The following ARHGEF10L variants were observed in gnomAD, a reference collection of about 807,000 sequenced individuals.
The protein encoded by ARHGEF10L is rho guanine nucleotide exchange factor 10-like protein.
Under a neutral mutation model 141.2 loss-of-function variants are expected in ARHGEF10L, and 69 were observed. The observed-to-expected ratio is 0.49, with a 90% CI of 0.40 to 0.60. The LOEUF is 0.60. ARHGEF10L is among the 20% of genes least tolerant of loss of function. The pLI is 0.00. For missense variants in ARHGEF10L, 1,482 were observed against 1,734.3 expected (o/e 0.85, Z 2.58); for synonymous variants, 711 against 718.5 (o/e 0.99, Z 0.17).
chr1:17,632,028 G>C (rs2060721977), intron 15 of ARHGEF10L, among the ~76,000 whole-genome samples: 1 of 152,144 alleles, frequency 6.6e-6, no homozygotes, highest in Non-Finnish European at 1.5e-5. Context: ...CCTACAGAGA[G>C]GGGCTGGCAA....
Position 17,621,795 on chromosome 1 carries a change from C to T in ARHGEF10L, c.943-69C>T. On this transcript the variant is annotated intron_variant, in intron 10 of 28. Coordinates refer to ENST00000361221, the MANE Select transcript of ARHGEF10L (RefSeq NM_018125.4). This position sits in a 1 kb window ranked among gnomAD's most constrained non-coding sequence, Gnocchi z 4.1. ...TTCTCTGTCCTATAGTTGTCAGCTC[C>T]CCTTCCTGTCACTTGGGCCCTGTGC... 3.5e-6 allele frequency: 4 copies of T among 1,135,090 alleles called. No homozygotes were observed. The highest frequency in any genetic ancestry group is 5.0e-6 in the Non-Finnish European group (4 of 795,650). The allele number at this position is 1,135,090 out of a possible 1,614,324, so 70.3% of individuals were successfully genotyped here. A position where few individuals can be genotyped will look rare whatever the true frequency, so the allele number is the denominator to read the frequency against.
chr1:17,665,814 A>ATT (rs1482189380), intron 26 of ARHGEF10L, among the ~76,000 whole-genome samples: 2 of 152,196 alleles, frequency 1.3e-5, no homozygotes, highest in African/African-American at 4.8e-5. Flanking sequence ...GAGTCGGCTC[A>ATT]TGGGGTGATG....
At chr1:17,593,768 C>G (rs1354949186) in intron 4 of ARHGEF10L, among the ~76,000 whole-genome samples, 1 of 151,968 alleles carries the variant, frequency 6.6e-6, no homozygotes, top group African/African-American at 2.4e-5. Context: ...TCACTAAGTT[C>G]GTGGTCATCT....
chr1:17,653,009 T>C (rs968386507), intron 22 of ARHGEF10L, among the ~76,000 whole-genome samples: 9 of 152,144 alleles, frequency 5.9e-5, no homozygotes, highest in Non-Finnish European at 1.2e-4. Context: ...CTTGCTCTGA[T>C]GATGAAATGA....
chr1:17,602,301 G>T, intron 5 of ARHGEF10L, 83 bp downstream of exon 5: 1 of 1,452,336 alleles, frequency 6.9e-7, no homozygotes, highest in East Asian at 2.5e-5. Context: ...GAGAGCTGAT[G>T]TGGGCTCCTG....
intron 1 of ARHGEF10L, among the ~76,000 whole-genome samples, chr1:17,557,090 C>G (rs944621233): frequency 6.6e-6 from 1 of 150,580 alleles, no homozygotes; most frequent in Non-Finnish European, 1.5e-5. Flanking sequence ...GGCCTATAAT[C>G]CCAGCACTTT....
At chr1:17,677,899 G>A (rs2063824610) in intron 26 of ARHGEF10L, among the ~76,000 whole-genome samples, 2 of 152,142 alleles carry the variant, frequency 1.3e-5, no homozygotes. Flanking sequence ...GCAGACCCAG[G>A]CTGGGCGCCA....
At chr1:17,671,603 G>C (rs1453323220) in intron 26 of ARHGEF10L, among the ~76,000 whole-genome samples, 1 of 152,208 alleles carries the variant, frequency 6.6e-6, no homozygotes, top group Non-Finnish European at 1.5e-5. Flanking sequence ...AGGGCAAGTG[G>C]CGTCAGCATT....
At chr1:17,642,228 C>T (rs1480193058) in intron 21 of ARHGEF10L, among the ~76,000 whole-genome samples, 2 of 152,230 alleles carry the variant, frequency 1.3e-5, no homozygotes, top group Middle Eastern at 3.4e-3. Flanking sequence ...CTGGGGCTGC[C>T]ATCTGGGGGA....
rs768222955 is a variant in ARHGEF10L at position 17,637,648 on chromosome 1, GC to G, written c.1928-238del. Among the ~76,000 whole-genome samples, 10 of 152,154 alleles carry G rather than the reference GC, an allele frequency of 6.6e-5. No individual in the cohort carries two copies. In the South Asian group the frequency reaches 1.7e-3, roughly 25 times the overall value. On this transcript the variant is annotated intron_variant, in intron 18 of 28. Coordinates refer to ENST00000361221, the MANE Select transcript of ARHGEF10L (RefSeq NM_018125.4). ...TGAGTAGCTGGTACTACAGGTGCCC[GC>G]CACCATGCCCGGCTAATTTTTTTCT...
intron 6 of ARHGEF10L, among the ~76,000 whole-genome samples, chr1:17,605,783 C>G (rs891137934): frequency 6.6e-6 from 1 of 152,212 alleles, no homozygotes; most frequent in African/African-American, 2.4e-5. Context: ...GGTTCCTCCT[C>G]AGGGCTACCC....
intron 4 of ARHGEF10L, among the ~76,000 whole-genome samples, chr1:17,597,962 T>C (rs1303362396): frequency 6.6e-6 from 1 of 152,224 alleles, no homozygotes; most frequent in Non-Finnish European, 1.5e-5. Flanking sequence ...TGGTGTTCTC[T>C]TGGTTAAACT....
chr1:17,651,604 A>AC (rs1400362160), intron 22 of ARHGEF10L, among the ~76,000 whole-genome samples: 1 of 151,666 alleles, frequency 6.6e-6, no homozygotes, highest in Non-Finnish European at 1.5e-5. Flanking sequence ...CCCAAAAGAA[A>AC]CCCCCATCCA....
chr1:17,537,441 G>A (rs544408813), upstream of ARHGEF10L, among the ~76,000 whole-genome samples: 4 of 152,290 alleles, frequency 2.6e-5, no homozygotes, highest in Admixed American at 2.6e-4. Context: ...GGGGGTCTGG[G>A]GCATGGCCCC....
At chr1:17,659,133 C>G (rs570455384) in intron 25 of ARHGEF10L, among the ~76,000 whole-genome samples, 1 of 152,148 alleles carries the variant, frequency 6.6e-6, no homozygotes, top group East Asian at 1.9e-4. Flanking sequence ...ACTGGGTTCC[C>G]TCTGGCTGGT....
chr1:17,605,406 C>T (rs774084830), intron 6 of ARHGEF10L, among the ~76,000 whole-genome samples: 28 of 152,158 alleles, frequency 1.8e-4, no homozygotes, highest in Non-Finnish European at 1.3e-4. Context: ...GCGTAGATTC[C>T]ATGAGGTAAT....
chr1:17,655,883 G>A lies in ARHGEF10L; in HGVS notation c.2486G>A (p.Gly829Glu), dbSNP rs1326711091. ...TCTCTGGGTCTCTGCTCCCAGGTCGGGGGCGGACAGGAAGGCGCAGGGGGC... is the reference window on the plus strand; with the variant it reads ...TCTCTGGGTCTCTGCTCCCAGGTCGAGGGCGGACAGGAAGGCGCAGGGGGC... Reference protein sequence around the residue: ...TSLPQGYLWVGGGQEGAGGQV... With the variant: ...TSLPQGYLWVEGGQEGAGGQV... Residue 829 changes from glycine (G) to glutamate (E), a missense_variant, in exon 24 of 29, where the codon GGG (glycine) becomes GAG (glutamate). Physicochemically the swap from Gly to Glu is moderately conservative, Grantham distance 98. Coordinates refer to ENST00000361221, the MANE Select transcript of ARHGEF10L (RefSeq NM_018125.4). 5.8e-6 allele frequency: 9 copies of A among 1,553,482 alleles called. No homozygotes were observed. The highest frequency in any genetic ancestry group is 7.8e-6 in the Non-Finnish European group (9 of 1,148,446).
Position 17,622,988 on chromosome 1 carries a change from C to T in ARHGEF10L, c.1021-8C>T. ...TGGCCTGCGGCCTCACCCCGCCCTCCCCGGCAGGACTACCGCAACCCCCTG... is the reference window on the plus strand; with the variant it reads ...TGGCCTGCGGCCTCACCCCGCCCTCTCCGGCAGGACTACCGCAACCCCCTG... On this transcript the variant is annotated splice_polypyrimidine_tract_variant and splice_region_variant and intron_variant, in intron 11 of 28. Transcript: ENST00000361221. The T allele has an allele frequency of 6.2e-7, 1 of 1,609,868 alleles. No homozygotes were observed. The highest frequency in any genetic ancestry group is 2.2e-5 in the East Asian group (1 of 44,858).
chr1:17,574,824 A>G (rs1211046094), intron 1 of ARHGEF10L, among the ~76,000 whole-genome samples: 1 of 152,156 alleles, frequency 6.6e-6, no homozygotes, highest in Non-Finnish European at 1.5e-5. Flanking sequence ...CTTCTCTGTC[A>G]GGAGACCCCG....
Sources: allele counts gnomAD v4.1 joint callset (sites outside exome capture counted in the v4.1 genomes callset), GRCh38; gene constraint gnomAD v4.1.1; non-coding constraint Gnocchi (gnomAD v3.1); transcripts MANE v1.5; gene names NCBI Gene and HGNC (gene_info 2026-07-23, HGNC 2026-07-21).